Variants in GRIK3 observed in about 807,000 individuals in gnomAD.
The protein encoded by GRIK3 is glutamate receptor ionotropic, kainate 3.
In GRIK3, 29 loss-of-function variants were observed where a neutral mutation model predicts 102.5. The ratio of observed to expected loss-of-function variants is 0.28; its 90% CI spans 0.21 to 0.39. The LOEUF (loss-of-function observed/expected upper bound fraction) is 0.39, where lower values mean the gene tolerates loss of function less well. Among genes scored for constraint, GRIK3 ranks in the 10% least tolerant of loss-of-function variants. The probability of loss-of-function intolerance (pLI) is 1.00; values close to 1 mark genes in which losing one functional copy is unlikely to be tolerated. For synonymous variants in GRIK3, 511 were observed against 504.9 expected (o/e 1.01, Z -0.16); for missense variants, 908 against 1,252.4 (o/e 0.73, Z 4.15).
chr1:36,919,373 T>TATTTA (rs1279006817), intron 1 of GRIK3, among the ~76,000 whole-genome samples: 1 of 150,584 alleles, frequency 6.6e-6, no homozygotes, highest in Non-Finnish European at 1.5e-5. Flanking sequence ...TATTTTATTT[T>TATTTA]ATTTATTATT....
At chr1:36,990,342 C>A (rs1339618001) in intron 1 of GRIK3, among the ~76,000 whole-genome samples, 2 of 152,222 alleles carry the variant, frequency 1.3e-5, no homozygotes, top group African/African-American at 2.4e-5. Flanking sequence ...TCTACCACTC[C>A]TGGGCCGCCA....
At chr1:36,827,677 C>T (rs1319825303) in intron 10 of GRIK3, among the ~76,000 whole-genome samples, 1 of 152,208 alleles carries the variant, frequency 6.6e-6, no homozygotes, top group African/African-American at 2.4e-5. Context: ...TCTGACTTCA[C>T]TCATCTTAGA....
chr1:36,993,260 G>A (rs1473685255), intron 1 of GRIK3, among the ~76,000 whole-genome samples: 1 of 152,106 alleles, frequency 6.6e-6, no homozygotes, highest in Non-Finnish European at 1.5e-5. Context: ...CTTGTTGGAT[G>A]TACATACTGT....
chr1:36,841,784 C>T lies in GRIK3; in HGVS notation c.1482G>A (p.Gln494=), dbSNP rs375606122. 2 of 1,614,232 alleles carry T rather than the reference C, an allele frequency of 1.2e-6. No individual in the cohort carries two copies. Among genetic ancestry groups the T allele is most frequent in the Non-Finnish European group, 1.7e-6 (2 of 1,180,042 alleles). Residue 494 remains glutamine, a synonymous_variant, in exon 10 of 16, where the codon CAG becomes CAA. Transcript: ENST00000373091. ...RLVEDGKYGA[Q]DDKGQWNGMV... ...TGCCGTTCCACTGGCCCTTGTCATC[C>T]TGTGCCCCGTACTTGCCGTCCTCCA... is the stretch of plus-strand genomic sequence containing the variant.
At chr1:36,810,554 T>C (rs1642550283) in intron 13 of GRIK3, among the ~76,000 whole-genome samples, 1 of 152,358 alleles carries the variant, frequency 6.6e-6, no homozygotes, top group East Asian at 1.9e-4. Flanking sequence ...TTAACATTTC[T>C]GTACAAGAGA....
At position 36,834,092 on chromosome 1, in the gene GRIK3, T is replaced by TATGTTC. The variant is rs549960069; in HGVS notation, c.1530+7638_1530+7643dup. ...CTCATTGAATATTTATATCTATTCC[T>TATGTTC]ATGTTCATAGATAATTGCCCATTTC... On this transcript the variant is annotated intron_variant, in intron 10 of 15. Transcript: ENST00000373091. 6.3e-4 allele frequency among the ~76,000 whole-genome samples: 96 copies of TATGTTC among 152,358 alleles called. No homozygotes were observed. In the East Asian group the frequency reaches 0.017, roughly 27 times the overall value.
chr1:36,959,131 C>A lies in GRIK3; in HGVS notation c.116-68035G>T, dbSNP rs115852235. ...GCCCCATGACTCTGTGCCCCATGAA[C>A]CTGTGTGTCCTGTGAGCCTGTGTGC... On this transcript the variant is annotated intron_variant, in intron 1 of 15. Coordinates refer to ENST00000373091, the MANE Select transcript of GRIK3 (RefSeq NM_000831.4). Among the ~76,000 whole-genome samples, 895 of 121,592 alleles carry A rather than the reference C, an allele frequency of 7.4e-3. 45 individuals are homozygous for A. Among genetic ancestry groups the A allele is most frequent in the African/African-American group, 0.025 (850 of 34,484 alleles). 79.8% of individuals were successfully genotyped at this position (121,592 alleles called of 152,430 possible).
intron 9 of GRIK3, among the ~76,000 whole-genome samples, chr1:36,842,856 G>C (rs1340033705): frequency 3.9e-5 from 6 of 152,186 alleles, no homozygotes; most frequent in Non-Finnish European, 5.9e-5. Context: ...GAGAAGATCT[G>C]AATTCAGGTT....
At chr1:37,024,443 A>AATTATTATT (rs1642746176) in intron 1 of GRIK3, among the ~76,000 whole-genome samples, 1 of 107,648 alleles carries the variant, frequency 9.3e-6, no homozygotes, top group East Asian at 2.0e-4. Context: ...AGGCAGGTAC[A>AATTATTATT]ACTATTATTA....
At chr1:37,033,679 G>A (rs187429293) in intron 1 of GRIK3, among the ~76,000 whole-genome samples, 14 of 152,030 alleles carry the variant, frequency 9.2e-5, no homozygotes, top group African/African-American at 3.4e-4. Context: ...GGTTCATGCT[G>A]GCAGTCACCG....
chr1:36,914,278 A>G (rs1273665364), intron 1 of GRIK3, among the ~76,000 whole-genome samples: 5 of 152,198 alleles, frequency 3.3e-5, no homozygotes, highest in Non-Finnish European at 7.3e-5. Context: ...GCTGGAGGGA[A>G]AATTGTGTCA....
At chr1:36,855,644 G>A (rs1020087173) in intron 7 of GRIK3, among the ~76,000 whole-genome samples, 6 of 152,218 alleles carry the variant, frequency 3.9e-5, no homozygotes, top group Non-Finnish European at 7.3e-5. Flanking sequence ...CATATAGAGC[G>A]CTGAGCACAG....
chr1:36,936,969 C>T (rs776725108), intron 1 of GRIK3, among the ~76,000 whole-genome samples: 5 of 152,116 alleles, frequency 3.3e-5, no homozygotes, highest in Non-Finnish European at 5.9e-5. Flanking sequence ...GTAGGATCCC[C>T]GCCACCCACA....
chr1:36,867,704 A>G lies in GRIK3; in HGVS notation c.786+2044T>C, dbSNP rs112487911. Among the ~76,000 whole-genome samples the G allele has an allele frequency of 8.3e-3, 1,257 of 152,158 alleles. 15 individuals carry two copies. Among genetic ancestry groups the G allele is most frequent in the African/African-American group, 0.029 (1,205 of 41,524 alleles). ...TTGGGACATTGGGAGGTTTCAGTAG[A>G]ATTGGGGTCAGAGCAGGAACAAAAT... On this transcript the variant is annotated intron_variant, in intron 5 of 15. Coordinates refer to ENST00000373091, the MANE Select transcript of GRIK3 (RefSeq NM_000831.4).
chr1:36,986,407 C>T (rs1642305402), intron 1 of GRIK3, among the ~76,000 whole-genome samples: 1 of 141,028 alleles, frequency 7.1e-6, no homozygotes, highest in Admixed American at 7.2e-5. Context: ...ATCCTGTCCC[C>T]ATCTCTCTGT....
At chr1:36,989,284 C>T (rs954659344) in intron 1 of GRIK3, among the ~76,000 whole-genome samples, 1 of 152,190 alleles carries the variant, frequency 6.6e-6, no homozygotes, top group Admixed American at 6.5e-5. Flanking sequence ...CACGTAAAGG[C>T]CAAATGAGGT....
At chr1:36,839,844 G>C (rs528283888) in intron 10 of GRIK3, among the ~76,000 whole-genome samples, 2 of 152,266 alleles carry the variant, frequency 1.3e-5, no homozygotes, top group African/African-American at 4.8e-5. Context: ...CACTGGGCCA[G>C]GCTCCAGCCT....
At chr1:36,945,342 G>C (rs189637934) in intron 1 of GRIK3, among the ~76,000 whole-genome samples, 2 of 152,354 alleles carry the variant, frequency 1.3e-5, no homozygotes, top group African/African-American at 4.8e-5. Flanking sequence ...GTGAGACTGG[G>C]CAGCTAGAGG....
At chr1:36,843,658 T>C (rs1640486989) in intron 9 of GRIK3, among the ~76,000 whole-genome samples, 1 of 152,190 alleles carries the variant, frequency 6.6e-6, no homozygotes, top group East Asian at 1.9e-4. Context: ...CCAGAGCCTG[T>C]TCCTGGACAA....
Sources: allele counts gnomAD v4.1 joint callset (sites outside exome capture counted in the v4.1 genomes callset), GRCh38; gene constraint gnomAD v4.1.1; transcripts MANE v1.5; gene names NCBI Gene and HGNC (gene_info 2026-07-23, HGNC 2026-07-21).